Variants in SNTG1 observed in about 807,000 individuals in gnomAD.
SNTG1 encodes the protein gamma-1-syntrophin.
A neutral mutation model predicts 74.7 loss-of-function variants in SNTG1; 39 were observed. The ratio of observed to expected loss-of-function variants is 0.52; its 90% confidence interval spans 0.40 to 0.68. The LOEUF is 0.68. Ranked by LOEUF, SNTG1 falls within the 30% of genes least tolerant of loss-of-function variation. The pLI is 0.00. For synonymous variants in SNTG1, 254 were observed against 217.1 expected (o/e 1.17, Z -1.49); for missense variants, 685 against 609.5 (o/e 1.12, Z -1.30).
At chr8:50,033,914 GA>G (rs546955316) in intron 1 of SNTG1, among the ~76,000 whole-genome samples, 105 of 152,216 alleles carry the variant, frequency 6.9e-4, no homozygotes, top group South Asian at 4.2e-3. Flanking sequence ...GTAATCTCTT[GA>G]ACTGATTTGT....
intron 1 of SNTG1, among the ~76,000 whole-genome samples, chr8:50,111,680 A>G (rs2080597576): frequency 6.6e-6 from 1 of 152,164 alleles, no homozygotes; most frequent in Non-Finnish European, 1.5e-5. Flanking sequence ...AATGATTACT[A>G]CAAGTGGAAC....
intron 2 of SNTG1, among the ~76,000 whole-genome samples, chr8:50,315,597 A>T (rs772633381): frequency 2.7e-5 from 4 of 150,164 alleles, no homozygotes; most frequent in African/African-American, 9.9e-5. Flanking sequence ...CAAAATGCAG[A>T]TTGCTTCAAT....
intron 15 of SNTG1, among the ~76,000 whole-genome samples, chr8:50,665,885 A>G (rs903850877): frequency 6.6e-6 from 1 of 152,184 alleles, no homozygotes; most frequent in African/African-American, 2.4e-5. Context: ...CCTCCTCAGA[A>G]ATAACTTACT....
At chr8:50,699,898 G>T (rs2095417745) in intron 15 of SNTG1, among the ~76,000 whole-genome samples, 2 of 152,060 alleles carry the variant, frequency 1.3e-5, no homozygotes, top group Admixed American at 1.3e-4. Flanking sequence ...ACTAAGCAAA[G>T]AATTAAATAT....
chr8:50,666,335 A>C (rs1184233431), intron 15 of SNTG1, among the ~76,000 whole-genome samples: 1 of 152,146 alleles, frequency 6.6e-6, no homozygotes, highest in Admixed American at 6.6e-5. Flanking sequence ...CACATGCAGC[A>C]GAGGATTCTG....
chr8:50,175,382 A>G (rs907017865), intron 2 of SNTG1, among the ~76,000 whole-genome samples: 2 of 152,184 alleles, frequency 1.3e-5, no homozygotes, highest in Non-Finnish European at 2.9e-5. Flanking sequence ...TCCAGACTAA[A>G]TGGATATTCA....
At position 50,033,599 on chromosome 8, in the gene SNTG1, A is replaced by G. The variant is rs543886777; in HGVS notation, c.-103+121368A>G. On this transcript the variant is annotated intron_variant, in intron 1 of 18. Coordinates refer to ENST00000642720, the MANE Select transcript of SNTG1 (RefSeq NM_018967.5). ...AGGTAGCAGGATGGATTTCCTCTGA[A>G]GCCTTTCTTCTTGGATTGTAGATGG... Among the ~76,000 whole-genome samples the G allele has an allele frequency of 4.6e-5, 7 of 152,198 alleles. No individual in the cohort carries two copies. In the East Asian group the frequency reaches 1.4e-3, roughly 29 times the overall value.
chr8:50,422,283 C>A (rs1301183793), intron 4 of SNTG1, among the ~76,000 whole-genome samples: 2 of 151,486 alleles, frequency 1.3e-5, no homozygotes, highest in East Asian at 3.9e-4. Context: ...ATCTATCTAT[C>A]TATGTAGATA....
intron 1 of SNTG1, among the ~76,000 whole-genome samples, chr8:50,130,315 G>T (rs1405962294): frequency 1.3e-5 from 2 of 152,114 alleles, no homozygotes; most frequent in East Asian, 1.9e-4. Flanking sequence ...AATAGTGAGA[G>T]TGAGAGACAA....
chr8:50,054,457 T>A (rs1819853620), intron 1 of SNTG1, among the ~76,000 whole-genome samples: 1 of 152,122 alleles, frequency 6.6e-6, no homozygotes, highest in Non-Finnish European at 1.5e-5. Context: ...GTTACTGCTA[T>A]CCTTGGCCAA....
At chr8:50,010,281 C>T (rs1251837712) in intron 1 of SNTG1, among the ~76,000 whole-genome samples, 1 of 152,100 alleles carries the variant, frequency 6.6e-6, no homozygotes, top group Non-Finnish European at 1.5e-5. Flanking sequence ...TTAATCCTCA[C>T]AAACTCCAAT....
intron 1 of SNTG1, among the ~76,000 whole-genome samples, chr8:50,058,545 T>G (rs1190805863): frequency 1.3e-5 from 2 of 152,252 alleles, no homozygotes; most frequent in African/African-American, 4.8e-5. Flanking sequence ...CTATCTTGAA[T>G]CTTTTAATTA....
intron 2 of SNTG1, among the ~76,000 whole-genome samples, chr8:50,375,718 G>GTAACCCTA: frequency 6.6e-6 from 1 of 152,254 alleles, no homozygotes; most frequent in East Asian, 1.9e-4. Context: ...GGGAAAAATA[G>GTAACCCTA]TAACCCTATA....
At chr8:50,236,064 T>C (rs1431914957) in intron 2 of SNTG1, among the ~76,000 whole-genome samples, 1 of 152,116 alleles carries the variant, frequency 6.6e-6, no homozygotes, top group East Asian at 1.9e-4. Context: ...TGAGAGATTT[T>C]TGAATGGCAT....
At position 50,670,924 on chromosome 8, in the gene SNTG1, G is replaced by C. The variant is rs868299620; in HGVS notation, c.1038+12261G>C. Among the ~76,000 whole-genome samples, 568 of 151,302 alleles carry C rather than the reference G, an allele frequency of 3.8e-3. 9 individuals are homozygous for C. The highest frequency in any genetic ancestry group is 0.013 in the African/African-American group (524 of 40,742). On this transcript the variant is annotated intron_variant, in intron 15 of 18. Transcript: ENST00000642720. ...ACTATCTGATCTTTGACAAACCTGA[G>C]AAAAACAAGCAATGGGGAAAGGATT...
At chr8:50,487,725 T>C (rs1490741957) in intron 8 of SNTG1, among the ~76,000 whole-genome samples, 4 of 151,554 alleles carry the variant, frequency 2.6e-5, no homozygotes, top group East Asian at 2.0e-4. Context: ...CTGGGAGATA[T>C]ACCTAATGCT....
intron 3 of SNTG1, among the ~76,000 whole-genome samples, chr8:50,399,722 C>T (rs16914823): frequency 0.024 from 3,626 of 152,164 alleles, 146 homozygotes; most frequent in African/African-American, 0.078. Context: ...TGCATGTCGG[C>T]CCCTCTCCAA....
At chr8:50,362,966 G>A (rs1038010078) in intron 2 of SNTG1, among the ~76,000 whole-genome samples, 1 of 152,074 alleles carries the variant, frequency 6.6e-6, no homozygotes, top group Non-Finnish European at 1.5e-5. Flanking sequence ...TTGCCCTGTG[G>A]GAAGAGAAAG....
intron 1 of SNTG1, among the ~76,000 whole-genome samples, chr8:49,968,119 G>T (rs1811318971): frequency 6.6e-6 from 1 of 151,950 alleles, no homozygotes; most frequent in Non-Finnish European, 1.5e-5. Flanking sequence ...TTCACCATAT[G>T]TCAATATATA....
Sources: gnomAD v4.1 joint callset for allele counts (sites outside exome capture counted in the v4.1 genomes callset) on GRCh38, gnomAD v4.1.1 for gene constraint, MANE v1.5 for transcripts, NCBI Gene and HGNC (gene_info 2026-07-23, HGNC 2026-07-21) for gene names.